Variants in EPM2A observed in about 807,000 individuals in gnomAD.
EPM2A encodes EPM2A glucan phosphatase, laforin.
In EPM2A, 21 loss-of-function variants were observed where a neutral mutation model predicts 26.5. That is an observed-to-expected ratio of 0.79 (90% CI 0.56 to 1.14). The LOEUF is 1.14. Ranked by LOEUF, EPM2A falls within the 50% of genes most tolerant of loss-of-function variation. The pLI, the probability that EPM2A is intolerant of heterozygous loss-of-function variation, is 0.00. For synonymous variants in EPM2A, 217 were observed against 177.6 expected, an observed-to-expected ratio of 1.22 and a Z score of -1.76; for missense variants, 458 against 440.8, an observed-to-expected ratio of 1.04 and a Z score of -0.35.
At chr6:145,509,256 T>C (rs1381967068) in intron 2 of EPM2A, among the ~76,000 whole-genome samples, 3 of 152,102 alleles carry the variant, frequency 2.0e-5, no homozygotes, top group Admixed American at 6.5e-5. Flanking sequence ...AGAGTTGCTA[T>C]ATAAGATGAA....
intron 2 of EPM2A, among the ~76,000 whole-genome samples, chr6:145,538,968 T>C (rs1195628836): frequency 6.6e-6 from 1 of 152,184 alleles, no homozygotes; most frequent in African/African-American, 2.4e-5. Flanking sequence ...GCACATGTAG[T>C]ATGGAGTTAC....
chr6:145,492,300 G>T (rs1019035493), intron 4 of EPM2A, among the ~76,000 whole-genome samples: 4 of 152,148 alleles, frequency 2.6e-5, no homozygotes, highest in Admixed American at 6.5e-5. Context: ...AGGAGCTGGG[G>T]TGAGTGCTTT....
chr6:145,475,839 G>A (rs925851209), intron 4 of EPM2A, among the ~76,000 whole-genome samples: 1 of 151,934 alleles, frequency 6.6e-6, no homozygotes, highest in South Asian at 2.1e-4. Context: ...AATATCACCA[G>A]AGAAAATCAT....
chr6:145,589,926 T>A (rs1781248852), intron 2 of EPM2A, among the ~76,000 whole-genome samples: 1 of 150,162 alleles, frequency 6.7e-6, no homozygotes, highest in South Asian at 2.1e-4. Context: ...AATACTCCCA[T>A]CCTTAAGATA....
At chr6:145,572,583 AC>A (rs1780973346) in intron 2 of EPM2A, among the ~76,000 whole-genome samples, 1 of 152,198 alleles carries the variant, frequency 6.6e-6, no homozygotes, top group Admixed American at 6.5e-5. Flanking sequence ...AAGCCCAGTA[AC>A]AGACCAAGAG....
chr6:145,635,175 T>C (rs1776550752), intron 3 of EPM2A, 70 bp downstream of exon 3: 8 of 1,561,752 alleles, frequency 5.1e-6, no homozygotes, highest in Admixed American at 3.3e-5. Flanking sequence ...TATTAAATTA[T>C]AGATAGACAG....
chr6:145,681,581 G>A (rs1213077838), intron 2 of EPM2A, among the ~76,000 whole-genome samples: 1 of 150,610 alleles, frequency 6.6e-6, no homozygotes, highest in Non-Finnish European at 1.5e-5. Flanking sequence ...AAGGTGTAAG[G>A]AAGGGATCCA....
chr6:145,412,115 G>T (rs1193903150), intron 4 of EPM2A, among the ~76,000 whole-genome samples: 1 of 151,590 alleles, frequency 6.6e-6, no homozygotes, highest in African/African-American at 2.4e-5. Flanking sequence ...TACTCAGGAG[G>T]CTGAGGCAGG....
chr6:145,627,499 T>C lies in EPM2A; in HGVS notation c.913A>G (p.Ile305Val), dbSNP rs1775900177. The change falls in exon 4 of 4, where the codon ATT (isoleucine) becomes GTT (valine). Residue 305 changes from isoleucine (I) to valine (V), a missense_variant. Coordinates refer to ENST00000367519, the MANE Select transcript of EPM2A (RefSeq NM_005670.4). ...FLMAKRPAVY[I>V]DEEALARAQE... The stretch of plus-strand genomic sequence containing the variant: ...GCCCGGGCCAAGGCCTCTTCGTCAA[T>C]GTAGACAGCCGGCCTCTTGGCCATG... 1.9e-6 allele frequency: 3 copies of C among 1,614,250 alleles called. No individual in the cohort carries two copies. Among genetic ancestry groups the C allele is most frequent in the Non-Finnish European group, 2.5e-6 (3 of 1,180,042 alleles).
At chr6:145,669,695 C>T (rs1403351985) in intron 2 of EPM2A, among the ~76,000 whole-genome samples, 1 of 152,114 alleles carries the variant, frequency 6.6e-6, no homozygotes, top group African/African-American at 2.4e-5. Flanking sequence ...ACATAGAAAA[C>T]CCTGGAAAAA....
chr6:145,495,717 C>G (rs983302510), intron 4 of EPM2A, among the ~76,000 whole-genome samples: 9 of 152,106 alleles, frequency 5.9e-5, no homozygotes, highest in African/African-American at 1.9e-4. Flanking sequence ...AGCTGGGATA[C>G]AGGCATGTGC....
At chr6:145,562,128 G>A (rs440696) in intron 2 of EPM2A, among the ~76,000 whole-genome samples, 58,570 of 135,138 alleles carry the variant, frequency 0.43, 12,087 homozygotes, top group South Asian at 0.56. Context: ...TTACAAAAAG[G>A]AAAAAAAAAA....
chr6:145,465,772 A>T (rs1410947068), intron 4 of EPM2A, among the ~76,000 whole-genome samples: 3 of 152,092 alleles, frequency 2.0e-5, no homozygotes, highest in African/African-American at 7.2e-5. Flanking sequence ...ACAGCATGGT[A>T]CTGGTACCAA....
intron 2 of EPM2A, among the ~76,000 whole-genome samples, chr6:145,508,632 G>A (rs1780012059): frequency 6.6e-6 from 1 of 152,188 alleles, no homozygotes. Flanking sequence ...AAGGAGAAAT[G>A]TCAGCTCCCT....
chr6:145,415,592 CAT>C (rs1272822755), intron 4 of EPM2A, among the ~76,000 whole-genome samples: 1 of 152,134 alleles, frequency 6.6e-6, no homozygotes, highest in East Asian at 1.9e-4. Flanking sequence ...TCTTTTCCAT[CAT>C]ATAGACTTAT....
chr6:145,600,516 T>C (rs1443657020), intron 2 of EPM2A, among the ~76,000 whole-genome samples: 2 of 152,202 alleles, frequency 1.3e-5, no homozygotes, highest in African/African-American at 4.8e-5. Context: ...TTTTGCAATA[T>C]CTGCCTGATT....
intron 2 of EPM2A, among the ~76,000 whole-genome samples, chr6:145,543,496 G>A (rs1780542716): frequency 6.6e-6 from 1 of 151,942 alleles, no homozygotes; most frequent in Non-Finnish European, 1.5e-5. Flanking sequence ...CTTGCCCAAG[G>A]CCATACAATT....
chr6:145,405,708 A>G (rs528257817), intron 4 of EPM2A, among the ~76,000 whole-genome samples: 9 of 152,266 alleles, frequency 5.9e-5, no homozygotes, highest in African/African-American at 2.2e-4. Context: ...GTCAACTTAT[A>G]AACTTGGGCT....
intron 2 of EPM2A, among the ~76,000 whole-genome samples, chr6:145,504,116 C>T (rs1166041276): frequency 6.6e-5 from 9 of 136,280 alleles, no homozygotes; most frequent in Non-Finnish European, 1.4e-4. Context: ...AAGACTTAAA[C>T]GTTAGACCTA....
Sources: gnomAD v4.1 joint callset for allele counts (sites outside exome capture counted in the v4.1 genomes callset) on GRCh38, gnomAD v4.1.1 for gene constraint, MANE v1.5 for transcripts, NCBI Gene and HGNC (gene_info 2026-07-23, HGNC 2026-07-21) for gene names.